TAFA2: variants seen among roughly 807,000 people sequenced by gnomAD.
TAFA2 encodes the protein TAFA chemokine like family member 2, also known as chemokine-like protein TAFA-2.
Under a neutral mutation model 18.8 loss-of-function variants are expected in TAFA2, and 7 were observed. The observed-to-expected ratio is 0.37, with a 90% CI of 0.21 to 0.70. The LOEUF is 0.70. Among genes scored for constraint, TAFA2 ranks in the 30% least tolerant of loss-of-function variants. TAFA2 has a pLI of 0.53. For missense variants in TAFA2, 122 were observed against 158.1 expected, an observed-to-expected ratio of 0.77 and a Z score of 1.23; for synonymous variants, 60 against 54.2, an observed-to-expected ratio of 1.11 and a Z score of -0.47.
chr12:61,874,482 C>T (rs749558400), intron 1 of TAFA2, among the ~76,000 whole-genome samples: 2 of 152,128 alleles, frequency 1.3e-5, no homozygotes, highest in Non-Finnish European at 2.9e-5. Flanking sequence ...TTAAGAACCA[C>T]AATTATCTGC....
At chr12:61,764,230 TGATAGATA>T (rs140276194) in intron 2 of TAFA2, among the ~76,000 whole-genome samples, 5,563 of 150,114 alleles carry the variant, frequency 0.037, 225 homozygotes, top group African/African-American at 0.1. Context: ...GATGATTGAT[TGATAGATA>T]GATAGATAGA....
chr12:61,780,051 T>C (rs950704171), intron 2 of TAFA2, among the ~76,000 whole-genome samples: 1 of 151,736 alleles, frequency 6.6e-6, no homozygotes, highest in African/African-American at 2.4e-5. Flanking sequence ...TAATATTAAA[T>C]ATGAAAATCA....
intron 1 of TAFA2, among the ~76,000 whole-genome samples, chr12:61,885,689 G>A (rs918718563): frequency 2.0e-5 from 3 of 152,192 alleles, no homozygotes; most frequent in African/African-American, 4.8e-5. Flanking sequence ...GCAATGGTAT[G>A]CTGGAAAACT....
chr12:61,845,525 C>A (rs1343205711), intron 2 of TAFA2, among the ~76,000 whole-genome samples: 1 of 152,094 alleles, frequency 6.6e-6, no homozygotes, highest in Admixed American at 6.5e-5. Flanking sequence ...GCTTCAGGAT[C>A]AAACTTTGGT....
At chr12:62,243,883 CAA>C (rs2062873407) in intron 1 of TAFA2, among the ~76,000 whole-genome samples, 1 of 152,154 alleles carries the variant, frequency 6.6e-6, no homozygotes, top group Non-Finnish European at 1.5e-5. Context: ...CCAGCTCAAG[CAA>C]TCCTGCCTTA....
At chr12:62,247,080 C>T (rs2062890262) in intron 1 of TAFA2, among the ~76,000 whole-genome samples, 1 of 152,118 alleles carries the variant, frequency 6.6e-6, no homozygotes, top group African/African-American at 2.4e-5. Context: ...TTCCTGCATG[C>T]TGCTGTTATT....
At chr12:61,718,907 G>A (rs1336308025) in intron 4 of TAFA2, among the ~76,000 whole-genome samples, 3 of 152,212 alleles carry the variant, frequency 2.0e-5, no homozygotes, top group African/African-American at 7.2e-5. Context: ...GATAGTTGGA[G>A]TTAGGGGTGA....
intron 1 of TAFA2, among the ~76,000 whole-genome samples, chr12:62,059,387 C>T (rs1407823709): frequency 6.6e-6 from 1 of 151,754 alleles, no homozygotes; most frequent in East Asian, 1.9e-4. Context: ...TATTTTAGGC[C>T]CTGGGGCTGC....
At chr12:61,933,721 T>C (rs1877655907) in intron 1 of TAFA2, among the ~76,000 whole-genome samples, 1 of 152,160 alleles carries the variant, frequency 6.6e-6, no homozygotes, top group African/African-American at 2.4e-5. Context: ...AGACCCTGTC[T>C]CTTTATATAT....
At position 61,759,399 on chromosome 12, in the gene TAFA2, A is replaced by G. The variant is rs142296021; in HGVS notation, c.107-4375T>C. Among the ~76,000 whole-genome samples the G allele has an allele frequency of 6.4e-3, 974 of 151,492 alleles. 2 individuals carry two copies. The highest frequency in any genetic ancestry group is 0.011 in the Non-Finnish European group (726 of 67,970). ...GAGGAGAAACTAATATCAATTCTAT[A>G]TGGAAGCTTTAAGAGCTACTGTGTA... On this transcript the variant is annotated intron_variant, in intron 2 of 4. Coordinates refer to ENST00000416284, the MANE Select transcript of TAFA2 (RefSeq NM_178539.5).
At chr12:62,103,323 A>T (rs1299123928) in intron 1 of TAFA2, among the ~76,000 whole-genome samples, 1 of 152,178 alleles carries the variant, frequency 6.6e-6, no homozygotes, top group Non-Finnish European at 1.5e-5. Context: ...TTCCAATTTC[A>T]TCCTAAGGTC....
chr12:62,234,397 G>A (rs756842076), intron 1 of TAFA2: 117 of 687,184 alleles, frequency 1.7e-4, no homozygotes, highest in Admixed American at 3.1e-4. Context: ...CTAAGGACCA[G>A]GAACAGGACC....
At chr12:61,856,186 A>G (rs139465075) in intron 2 of TAFA2, among the ~76,000 whole-genome samples, 3,125 of 152,118 alleles carry the variant, frequency 0.021, 104 homozygotes, top group African/African-American at 0.071. Flanking sequence ...TAGTAAAGAG[A>G]TAAACCTGGA....
intron 1 of TAFA2, among the ~76,000 whole-genome samples, chr12:61,981,161 A>G (rs1226124146): frequency 6.6e-6 from 1 of 152,198 alleles, no homozygotes; most frequent in Non-Finnish European, 1.5e-5. Flanking sequence ...CCGCACATCT[A>G]CAACCATCTG....
chr12:62,104,403 A>G (rs1439612224), intron 1 of TAFA2, among the ~76,000 whole-genome samples: 1 of 152,244 alleles, frequency 6.6e-6, no homozygotes, highest in Non-Finnish European at 1.5e-5. Flanking sequence ...AGCATAGTAC[A>G]ACTAAAGTCA....
intron 4 of TAFA2, among the ~76,000 whole-genome samples, chr12:61,737,162 C>T (rs1358257932): frequency 6.6e-6 from 1 of 151,788 alleles, no homozygotes. Context: ...AAATCTAGGT[C>T]TATTTTAAAA....
intron 1 of TAFA2, among the ~76,000 whole-genome samples, chr12:62,138,307 T>C (rs2062214531): frequency 6.6e-6 from 1 of 152,076 alleles, no homozygotes; most frequent in Non-Finnish European, 1.5e-5. Context: ...AAAATAAAAT[T>C]GTGCACCAAC....
intron 2 of TAFA2, among the ~76,000 whole-genome samples, chr12:61,820,966 C>T (rs1017891878): frequency 2.6e-5 from 4 of 151,944 alleles, no homozygotes; most frequent in Admixed American, 6.6e-5. Context: ...TGTATTTATT[C>T]ACCAAACTTT....
intron 1 of TAFA2, among the ~76,000 whole-genome samples, chr12:62,086,525 G>A (rs376289151): frequency 6.6e-6 from 1 of 151,952 alleles, no homozygotes; most frequent in African/African-American, 2.4e-5. Flanking sequence ...ATACAAATGG[G>A]TAATAAGAAT....
Sources: gnomAD v4.1 joint callset for allele counts (sites outside exome capture counted in the v4.1 genomes callset) on GRCh38, gnomAD v4.1.1 for gene constraint, MANE v1.5 for transcripts, NCBI Gene and HGNC (gene_info 2026-07-23, HGNC 2026-07-21) for gene names.